The following FGF12 variants were observed in gnomAD, a reference collection of about 807,000 sequenced individuals.
FGF12 encodes the protein fibroblast growth factor 12B.
In FGF12, 14 loss-of-function variants were observed where a neutral mutation model predicts 23.6. That is an observed-to-expected ratio of 0.59 (90% CI 0.39 to 0.93). The LOEUF (loss-of-function observed/expected upper bound fraction) is 0.93, where lower values mean the gene tolerates loss of function less well. FGF12 is among the 40% of genes least tolerant of loss of function. FGF12 has a pLI of 0.00. For synonymous variants in FGF12, 62 were observed against 77.3 expected (o/e 0.80, Z 1.04); for missense variants, 175 against 217.8 (o/e 0.80, Z 1.24).
intron 3 of FGF12, among the ~76,000 whole-genome samples, chr3:192,343,123 C>T (rs1042366492): frequency 1.8e-4 from 27 of 152,040 alleles, no homozygotes; most frequent in Admixed American, 7.2e-4. Flanking sequence ...TTGCTTGTAA[C>T]GAAGAAAGGT....
At chr3:192,470,274 T>C (rs948975658) in intron 2 of FGF12, among the ~76,000 whole-genome samples, 4 of 152,230 alleles carry the variant, frequency 2.6e-5, no homozygotes, top group African/African-American at 9.6e-5. Flanking sequence ...ACTGAAGATA[T>C]TTTAATTCAA....
At chr3:192,322,324 CA>C (rs1314089800) in intron 4 of FGF12, among the ~76,000 whole-genome samples, 4 of 151,650 alleles carry the variant, frequency 2.6e-5, no homozygotes, top group African/African-American at 9.7e-5. Context: ...GAAGGGGGCA[CA>C]AAAAAATGGG....
rs2108570537 is a variant in FGF12 at position 192,140,006 on chromosome 3, C to G, written c.*4003G>C. The G allele has an allele frequency of 6.6e-6, 1 of 152,080 alleles. No individual in the cohort carries two copies. Among genetic ancestry groups the G allele is most frequent in the East Asian group, 1.9e-4 (1 of 5,176 alleles). The allele number at this position is 152,080 out of a possible 1,614,324, so 9.4% of individuals were successfully genotyped here. A position where few individuals can be genotyped will look rare whatever the true frequency, so the allele number is the denominator to read the frequency against. ...AGGGGGATTAAAAATCACCAAAGTA[C>G]TGAAGGAACACGTGCTTTGATTATT... On this transcript the variant is annotated 3_prime_UTR_variant, in exon 6 of 6. Transcript: ENST00000445105.
chr3:192,250,069 C>G (rs1034217111), intron 4 of FGF12, among the ~76,000 whole-genome samples: 8 of 152,154 alleles, frequency 5.3e-5, no homozygotes, highest in Admixed American at 2.0e-4. Context: ...ATACAGTCAA[C>G]TCCATTCTGC....
Position 192,409,358 on chromosome 3 carries a change from G to A in FGF12, c.14-48820C>T, listed in dbSNP as rs1042928428. On this transcript the variant is annotated intron_variant, in intron 2 of 5. Transcript: ENST00000445105. The surrounding 1 kb of genome is among the most constrained non-coding windows in gnomAD (Gnocchi z 4.8). ...TGGAGCTCCCCGCCATGGTCCACCC[G>A]GGGCCGCCGCACCGAGCTGGTCTCC... Among the ~76,000 whole-genome samples, 1 of 152,160 alleles carries A rather than the reference G, an allele frequency of 6.6e-6. No homozygotes were observed. Among genetic ancestry groups the A allele is most frequent in the Admixed American group, 6.5e-5 (1 of 15,286 alleles).
At chr3:192,434,432 G>A (rs960635298) in intron 2 of FGF12, among the ~76,000 whole-genome samples, 16 of 152,198 alleles carry the variant, frequency 1.1e-4, no homozygotes, top group African/African-American at 3.9e-4. Context: ...CAGGAAGCCT[G>A]AATGCTGCCT....
chr3:192,453,451 A>T (rs114879983), intron 2 of FGF12, among the ~76,000 whole-genome samples: 8,770 of 150,438 alleles, frequency 0.058, 819 homozygotes, highest in African/African-American at 0.2. Flanking sequence ...CCCCCTTTTT[A>T]AAAAAAAAAT....
intron 4 of FGF12, among the ~76,000 whole-genome samples, chr3:192,296,070 T>C (rs1407348331): frequency 2.7e-4 from 38 of 142,194 alleles, no homozygotes; most frequent in African/African-American, 9.7e-4. Flanking sequence ...TTCTTTTTTT[T>C]TTTTTTTTTT....
At chr3:192,186,229 T>C (rs1716458430) in intron 4 of FGF12, among the ~76,000 whole-genome samples, 1 of 152,204 alleles carries the variant, frequency 6.6e-6, no homozygotes, top group Admixed American at 6.5e-5. Flanking sequence ...CTGGAGAGTA[T>C]AAGGAAAATG....
intron 2 of FGF12, among the ~76,000 whole-genome samples, chr3:192,643,957 C>T (rs1481384364): frequency 1.3e-5 from 2 of 152,092 alleles, no homozygotes. Context: ...AAGAGTAAAC[C>T]AAGTGACTTC....
intron 2 of FGF12, among the ~76,000 whole-genome samples, chr3:192,651,746 A>G (rs1310516921): frequency 6.6e-6 from 1 of 152,200 alleles, no homozygotes; most frequent in Non-Finnish European, 1.5e-5. Context: ...CAGTTTTCCA[A>G]AACACTCATG....
intron 4 of FGF12, among the ~76,000 whole-genome samples, chr3:192,319,407 G>A (rs1197193739): frequency 6.6e-6 from 1 of 152,004 alleles, no homozygotes; most frequent in Admixed American, 6.6e-5. Context: ...GACCATCCTG[G>A]CCAACATGGT....
chr3:192,162,962 G>A (rs1334941982), intron 5 of FGF12, among the ~76,000 whole-genome samples: 1 of 152,060 alleles, frequency 6.6e-6, no homozygotes, highest in African/African-American at 2.4e-5. Flanking sequence ...AATGAAAAAG[G>A]CATTTCATGT....
chr3:192,567,715 AC>A lies in FGF12; in HGVS notation c.13+159465del, dbSNP rs139521395. On this transcript the variant is annotated intron_variant, in intron 2 of 5. Transcript: ENST00000445105. Reference sequence around the variant, plus strand: ...AACTCCAATCTCTGCCTCCATTTTTACATGGTCTTCTCCATGTGTCTCTTTC... The same window carrying A: ...AACTCCAATCTCTGCCTCCATTTTTAATGGTCTTCTCCATGTGTCTCTTTC... Among the ~76,000 whole-genome samples, 948 of 151,116 alleles carry A rather than the reference AC, an allele frequency of 6.3e-3. 5 individuals are homozygous for A. Among genetic ancestry groups the A allele is most frequent in the African/African-American group, 0.022 (895 of 41,130 alleles).
chr3:192,561,556 G>C (rs1046427508), intron 2 of FGF12, among the ~76,000 whole-genome samples: 1 of 151,996 alleles, frequency 6.6e-6, no homozygotes, highest in African/African-American at 2.4e-5. Context: ...TAGAGATGGG[G>C]TTTCACCGTG....
At chr3:192,567,803 CTTTCTTTCTT>C (rs1712407462) in intron 2 of FGF12, among the ~76,000 whole-genome samples, 13 of 99,818 alleles carry the variant, frequency 1.3e-4, no homozygotes, top group African/African-American at 4.3e-4. Context: ...CTTTCTTTCT[CTTTCTTTCTT>C]TCTCTCTCTC....
intron 2 of FGF12, among the ~76,000 whole-genome samples, chr3:192,400,508 A>G: frequency 6.6e-6 from 1 of 151,554 alleles, no homozygotes; most frequent in East Asian, 2.0e-4. Flanking sequence ...AGCTGGGATT[A>G]CAGGCACCCA....
chr3:192,158,351 T>TTTCA, intron 5 of FGF12, among the ~76,000 whole-genome samples: 1 of 95,432 alleles, frequency 1.0e-5, no homozygotes, highest in African/African-American at 4.1e-5. Flanking sequence ...TCTTTCTTTC[T>TTTCA]TTCTTTCTTT....
intron 2 of FGF12, among the ~76,000 whole-genome samples, chr3:192,600,638 A>G (rs1714074309): frequency 6.6e-6 from 1 of 152,136 alleles, no homozygotes; most frequent in South Asian, 2.1e-4. Flanking sequence ...GGGCAAATGA[A>G]CTGAAAAGAC....
Sources: gnomAD v4.1 joint callset for allele counts (sites outside exome capture counted in the v4.1 genomes callset) on GRCh38, gnomAD v4.1.1 for gene constraint, Gnocchi (gnomAD v3.1) non-coding constraint, MANE v1.5 for transcripts, NCBI Gene and HGNC (gene_info 2026-07-23, HGNC 2026-07-21) for gene names.